Variants in AFF2 observed in about 807,000 individuals in gnomAD.
The protein encoded by AFF2 is AF4/FMR2 family member 2.
Under a neutral mutation model 76.9 loss-of-function variants are expected in AFF2, and 14 were observed. The ratio of observed to expected loss-of-function variants is 0.18; its 90% CI spans 0.12 to 0.28. The LOEUF (loss-of-function observed/expected upper bound fraction) is 0.28. Ranked by LOEUF, AFF2 falls within the 10% of genes least tolerant of loss-of-function variation. The pLI is 1.00. For missense variants in AFF2, 868 were observed against 1,001.1 expected (o/e 0.87, Z 1.79); for synonymous variants, 398 against 366.7 (o/e 1.09, Z -0.98).
At chrX:148,568,438 C>A (rs1487812155) in intron 1 of AFF2, among the ~76,000 whole-genome samples, 3 of 112,031 alleles carry the variant, frequency 2.7e-5, no homozygotes, top group Non-Finnish European at 5.6e-5. Flanking sequence ...ACAAGACTTA[C>A]AATCAAATTC....
rs1557245019 is a variant in AFF2, at chrX:148,581,590, A to ATG, written c.48-70408_48-70407insGT. ...TACGTATACGTATACGTGTACACAC[A>ATG]TATATACGTATACGTGTACACACAT... On this transcript the variant is annotated intron_variant, in intron 1 of 20. Coordinates refer to ENST00000370460, the MANE Select transcript of AFF2 (RefSeq NM_002025.4). 1.2e-4 allele frequency among the ~76,000 whole-genome samples: 12 copies of ATG among 101,099 alleles called. 1 individual carries two copies. The highest frequency in any genetic ancestry group is 4.1e-4 in the African/African-American group (11 of 26,902). 87.8% of individuals were successfully genotyped at this position (101,099 alleles called of 115,157 possible). A position where few individuals can be genotyped will look rare whatever the true frequency, so the allele number is the denominator to read the frequency against.
At chrX:148,651,937 T>C in intron 1 of AFF2, 62 bp from the exon 2 acceptor site, 4 of 1,075,822 alleles carry the variant, frequency 3.7e-6, no homozygotes, top group Non-Finnish European at 4.9e-6. Context: ...GCAAGGAAAA[T>C]TTAAATGACT....
intron 8 of AFF2, among the ~76,000 whole-genome samples, chrX:148,896,521 C>T (rs1404171767): frequency 8.9e-6 from 1 of 111,972 alleles, no homozygotes; most frequent in Non-Finnish European, 1.9e-5. Context: ...TCCAACCCAG[C>T]AAGATTCTCC....
chrX:148,589,126 A>G (rs1557246249), intron 1 of AFF2, among the ~76,000 whole-genome samples: 1 of 110,989 alleles, frequency 9.0e-6, no homozygotes, highest in East Asian at 2.8e-4. Context: ...GGAGGGGGGC[A>G]GAGAGGCAGT....
At chrX:148,793,633 T>G (rs1557270146) in intron 3 of AFF2, among the ~76,000 whole-genome samples, 4 of 111,598 alleles carry the variant, frequency 3.6e-5, no homozygotes, top group Non-Finnish European at 7.5e-5. Context: ...AATGGAATCA[T>G]GAAGTAACAA....
rs191507039 is a variant in AFF2, at chrX:148,955,541, G to A, written c.1558-62G>A. The A allele has an allele frequency of 2.0e-5, 22 of 1,120,834 alleles. No individual in the cohort carries two copies. In the African/African-American group the frequency reaches 3.9e-4, roughly 20 times the overall value. 92.4% of individuals were successfully genotyped at this position (1,120,834 alleles called of 1,213,427 possible). A position where few individuals can be genotyped will look rare whatever the true frequency, so the allele number is the denominator to read the frequency against. ...CTTTTAGTAGTAGTCTCTGTACTCA[G>A]GGTTCTCTTGAATCCTTCCCAAGTG... is the stretch of plus-strand genomic sequence containing the variant. On this transcript the variant is annotated intron_variant, in intron 10 of 20. Transcript: ENST00000370460.
chrX:148,739,607 G>A (rs1380579095), intron 3 of AFF2, among the ~76,000 whole-genome samples: 1 of 111,933 alleles, frequency 8.9e-6, no homozygotes, highest in African/African-American at 3.2e-5. Flanking sequence ...TTTAAGTGGA[G>A]CATTTAGGCC....
intron 9 of AFF2, among the ~76,000 whole-genome samples, chrX:148,947,449 G>C (rs1038627152): frequency 1.6e-4 from 18 of 111,981 alleles, no homozygotes; most frequent in African/African-American, 5.5e-4. Context: ...TTCCACCACA[G>C]CAATTCTGTT....
intron 9 of AFF2, among the ~76,000 whole-genome samples, chrX:148,927,533 C>T (rs1220857341): frequency 8.1e-5 from 9 of 110,665 alleles, no homozygotes; most frequent in Non-Finnish European, 1.5e-4. Context: ...GCTCAAACTC[C>T]ACTATAGTCT....
At chrX:148,699,777 C>T (rs188490786) in intron 3 of AFF2, among the ~76,000 whole-genome samples, 5 of 111,805 alleles carry the variant, frequency 4.5e-5, no homozygotes, top group African/African-American at 1.6e-4. Context: ...CCATATGTTT[C>T]CTTTGGATAG....
chrX:148,521,410 ACT>A (rs1557234474), intron 1 of AFF2, among the ~76,000 whole-genome samples: 1,406 of 58,462 alleles, frequency 0.024, 16 homozygotes, highest in African/African-American at 0.066. Context: ...ACACACACAC[ACT>A]CACTGAGACT....
chrX:148,716,960 A>G, intron 3 of AFF2, among the ~76,000 whole-genome samples: 1 of 112,202 alleles, frequency 8.9e-6, no homozygotes, highest in Non-Finnish European at 1.9e-5. Context: ...AGTATGTTCA[A>G]GCATGCTAAG....
intron 8 of AFF2, among the ~76,000 whole-genome samples, chrX:148,888,887 C>T (rs1303387613): frequency 1.2e-4 from 13 of 111,775 alleles, no homozygotes; most frequent in Non-Finnish European, 2.1e-4. Flanking sequence ...GTCCATAAAA[C>T]TGTGCTCAAG....
intron 16 of AFF2, among the ~76,000 whole-genome samples, chrX:148,975,860 C>T (rs372159236): frequency 1.3e-4 from 11 of 86,232 alleles, no homozygotes; most frequent in African/African-American, 3.6e-4. Flanking sequence ...AGGAGAATGG[C>T]GTGAACCCGG....
chrX:148,987,454 G>A lies in AFF2; in HGVS notation c.3711G>A (p.Gln1237=), dbSNP rs1490777637. The A allele has an allele frequency of 4.1e-6, 5 of 1,209,446 alleles. No homozygotes were observed. In the African/African-American group the frequency reaches 8.8e-5, roughly 21 times the overall value. The part of the protein sequence containing the change: ...NCNNGPVTIP[Q]RIHHMAASHV... ...ACAATGGCCCAGTCACCATTCCCCA[G>A]CGCATTCACCACATGGCTGCCAGCC... The change falls in exon 20 of 21, where the codon CAG becomes CAA. Residue 1237 remains glutamine (Q), a synonymous_variant. Transcript: ENST00000370460.
chrX:148,778,786 T>G (rs1225439541), intron 3 of AFF2, among the ~76,000 whole-genome samples: 1 of 111,497 alleles, frequency 9.0e-6, no homozygotes, highest in African/African-American at 3.3e-5. Context: ...TTTGTTAATC[T>G]TTTCAAAAAA....
chrX:148,583,909 T>A (rs2053439567), intron 1 of AFF2, among the ~76,000 whole-genome samples: 1 of 112,156 alleles, frequency 8.9e-6, no homozygotes, highest in South Asian at 3.7e-4. Flanking sequence ...CAATATTTGC[T>A]TAGAGTTATT....
At chrX:148,511,315 G>A (rs781936438) in intron 1 of AFF2, among the ~76,000 whole-genome samples, 12 of 111,453 alleles carry the variant, frequency 1.1e-4, no homozygotes, top group Non-Finnish European at 2.3e-4. Flanking sequence ...TAGTACAAAG[G>A]GGGGATAACA....
chrX:148,780,544 A>T (rs368837325), intron 3 of AFF2, among the ~76,000 whole-genome samples: 1 of 111,867 alleles, frequency 8.9e-6, no homozygotes, highest in Non-Finnish European at 1.9e-5. Flanking sequence ...CAATTTGGCT[A>T]TTGATACTTG....
Sources: allele counts gnomAD v4.1 joint callset (sites outside exome capture counted in the v4.1 genomes callset), GRCh38; gene constraint gnomAD v4.1.1; transcripts MANE v1.5; gene names NCBI Gene and HGNC (gene_info 2026-07-23, HGNC 2026-07-21).